Variants in GGT5 observed in about 807,000 individuals in gnomAD.
GGT5 encodes glutathione hydrolase 5 proenzyme.
In GGT5, 50 loss-of-function variants were observed where a neutral mutation model predicts 58.1. The observed-to-expected ratio is 0.86, with a 90% CI of 0.69 to 1.09. The LOEUF (loss-of-function observed/expected upper bound fraction) is 1.09. Among genes scored for constraint, GGT5 ranks in the 50% least tolerant of loss-of-function variants. The pLI is 0.00. For missense variants in GGT5, 800 were observed against 789.4 expected (o/e 1.01, Z -0.16); for synonymous variants, 370 against 346.1 (o/e 1.07, Z -0.77).
At chr22:24,234,925 G>A (rs930655837) in intron 1 of GGT5, among the ~76,000 whole-genome samples, 2 of 152,092 alleles carry the variant, frequency 1.3e-5, no homozygotes, top group Admixed American at 1.3e-4. Context: ...AGCACTGAGG[G>A]CTGGTCAGCC....
At chr22:24,224,405 T>A (rs1415161995) in intron 11 of GGT5, among the ~76,000 whole-genome samples, 1 of 151,946 alleles carries the variant, frequency 6.6e-6, no homozygotes, top group African/African-American at 2.4e-5. Context: ...GTAGTCCTAG[T>A]TCCTTGGGAG....
At chr22:24,240,433 A>G (rs2048296837) in intron 1 of GGT5, among the ~76,000 whole-genome samples, 1 of 152,154 alleles carries the variant, frequency 6.6e-6, no homozygotes, top group Non-Finnish European at 1.5e-5. Context: ...AAGGATACAG[A>G]AAGGTGGAAA....
intron 1 of GGT5, among the ~76,000 whole-genome samples, chr22:24,234,229 C>T (rs1341675777): frequency 1.3e-5 from 2 of 152,224 alleles, no homozygotes; most frequent in Non-Finnish European, 2.9e-5. Context: ...TTACACTGAC[C>T]TTTGCCATAT....
intron 2 of GGT5, 128 bp from the exon 3 acceptor site, chr22:24,233,721 C>A: frequency 1.1e-6 from 1 of 891,154 alleles, no homozygotes; most frequent in Non-Finnish European, 1.8e-6. Flanking sequence ...GGAGTTGACA[C>A]AAGGGCTTTG....
intron 1 of GGT5, 61 bp downstream of exon 1, chr22:24,244,492 G>A (rs1185311404): frequency 2.8e-5 from 37 of 1,341,116 alleles, no homozygotes; most frequent in Non-Finnish European, 3.9e-5. Flanking sequence ...ACACACACAC[G>A]CCTTCTCCAG....
At chr22:24,222,559 A>T (rs1373526613) in intron 11 of GGT5, among the ~76,000 whole-genome samples, 2 of 152,152 alleles carry the variant, frequency 1.3e-5, no homozygotes, top group Non-Finnish European at 2.9e-5. Flanking sequence ...TGGAGGCTTA[A>T]AGTCTCCAAC....
intron 11 of GGT5, among the ~76,000 whole-genome samples, chr22:24,223,040 A>G (rs2148885583): frequency 6.6e-6 from 1 of 152,126 alleles, no homozygotes; most frequent in African/African-American, 2.4e-5. Context: ...CAGTGAGCCA[A>G]GATCGTGCCA....
At chr22:24,237,951 G>A (rs1269546425) in intron 1 of GGT5, among the ~76,000 whole-genome samples, 1 of 152,110 alleles carries the variant, frequency 6.6e-6, no homozygotes, top group African/African-American at 2.4e-5. Flanking sequence ...ATGGAGGCTG[G>A]GAGTGGTGGC....
chr22:24,225,226 C>A lies in GGT5; in HGVS notation c.1503+19G>T. On this transcript the variant is annotated intron_variant, in intron 10 of 11. Coordinates refer to ENST00000327365, the MANE Select transcript of GGT5 (RefSeq NM_004121.5). ...GCTGCCCAGAGAGGAGACACTCGAG[C>A]CAGGAGCCCCAGACTCACCTGGGCC... 1 of 1,610,894 alleles carries A rather than the reference C, an allele frequency of 6.2e-7. No individual in the cohort carries two copies.
intron 1 of GGT5, chr22:24,242,975 T>C (rs2048366001): frequency 6.6e-6 from 1 of 152,318 alleles, no homozygotes; most frequent in Non-Finnish European, 1.5e-5. Context: ...TTTGAGGGGA[T>C]GCCAGCAGAG....
chr22:24,219,756 C>CACAT lies in GGT5; in HGVS notation c.*213_*214insATGT. ...GAGGCCTGCGGAGGGATAGAGGGGC[C>CACAT]GGTTCAGGACCACCAGGGGCTCTGG... On this transcript the variant is annotated 3_prime_UTR_variant, in exon 12 of 12. Transcript: ENST00000327365. The CACAT allele has an allele frequency of 1.8e-6, 1 of 568,962 alleles. No individual in the cohort carries two copies. Among genetic ancestry groups the CACAT allele is most frequent in the African/African-American group, 1.9e-5 (1 of 53,166 alleles). 35.2% of individuals were successfully genotyped at this position (568,962 alleles called of 1,614,324 possible). A position where few individuals can be genotyped will look rare whatever the true frequency, so the allele number is the denominator to read the frequency against.
intron 1 of GGT5, chr22:24,244,233 C>T: frequency 3.1e-6 from 1 of 323,832 alleles, no homozygotes. Context: ...TCCTTGCGCC[C>T]AAGACCTGCA....
rs747032399 is a variant in GGT5, at chr22:24,225,342, G to A, written c.1406C>T (p.Ser469Phe). 4 of 1,613,646 alleles carry A rather than the reference G, an allele frequency of 2.5e-6. No homozygotes were observed. Among genetic ancestry groups the A allele is most frequent in the Admixed American group, 3.3e-5 (2 of 59,954 alleles). The change falls in exon 10 of 12, where the codon TCC becomes TTC. Residue 469 changes from serine (S) to phenylalanine (F), a missense_variant. Ser to Phe is a radical substitution (Grantham distance 155, BLOSUM62 -2). Transcript: ENST00000327365. Reference protein sequence around the residue: ...WPPVPGERSPSSMVPSILINK... With the variant: ...WPPVPGERSPFSMVPSILINK... ...GATCAAGATGGAGGGCACCATGGAG[G>A]ATGGGGAACGCTCGCCTGGAACTGG... is the stretch of plus-strand genomic sequence containing the variant.
chr22:24,232,631 G>A (rs2047978476), intron 4 of GGT5, among the ~76,000 whole-genome samples, 192 bp downstream of exon 4: 3 of 152,198 alleles, frequency 2.0e-5, no homozygotes, highest in East Asian at 3.9e-4. Context: ...TAAACTCCCC[G>A]CAGCCTAACC....
At chr22:24,245,130 A>G (rs960513613), upstream of GGT5, 12 of 198,526 alleles carry the variant, frequency 6.0e-5, no homozygotes, top group Non-Finnish European at 1.1e-4. Context: ...TGTTGCTGGC[A>G]GGAGGCCAGG....
chr22:24,228,947 G>A (rs756646734), intron 6 of GGT5, among the ~76,000 whole-genome samples: 32 of 150,464 alleles, frequency 2.1e-4, no homozygotes, highest in African/African-American at 5.1e-4. Flanking sequence ...AAAATTAGCC[G>A]GGCATGGTAG....
intron 6 of GGT5, among the ~76,000 whole-genome samples, chr22:24,228,048 CAA>C (rs1273239063): frequency 9.1e-5 from 2 of 22,052 alleles, no homozygotes; most frequent in African/African-American, 3.0e-4. Context: ...GACTCTGTCT[CAA>C]AAAAAAAAAA....
chr22:24,232,894 C>T lies in GGT5; in HGVS notation c.525G>A (p.Val175=). ...GGAAACGGCTGAGGACAGGGGCCAC[C>T]ACATGCCCCCCTCGGAGCAGCGCGA... The part of the protein sequence containing the change: ...PTIALLRGGH[V]VAPVLSRFLH... The change falls in exon 4 of 12, where the codon GTG becomes GTA. Residue 175 remains valine (V), a synonymous_variant. Transcript: ENST00000327365. The T allele has an allele frequency of 6.3e-7, 1 of 1,585,314 alleles. No individual in the cohort carries two copies. The highest frequency in any genetic ancestry group is 1.7e-4 in the Middle Eastern group (1 of 5,836).
At chr22:24,228,463 T>G (rs1190889387) in intron 6 of GGT5, among the ~76,000 whole-genome samples, 1 of 151,838 alleles carries the variant, frequency 6.6e-6, no homozygotes, top group African/African-American at 2.4e-5. Flanking sequence ...GTTTTTTTTT[T>G]TTTTTGAGAC....
Sources: gnomAD v4.1 joint callset for allele counts (sites outside exome capture counted in the v4.1 genomes callset) on GRCh38, gnomAD v4.1.1 for gene constraint, MANE v1.5 for transcripts, NCBI Gene and HGNC (gene_info 2026-07-23, HGNC 2026-07-21) for gene names.